The following GABRR2 variants were observed in gnomAD, a reference collection of about 807,000 sequenced individuals.
GABRR2 encodes the protein gamma-aminobutyric acid type A receptor subunit rho2, also known as gamma-aminobutyric acid receptor subunit rho-2.
A neutral mutation model predicts 47.0 loss-of-function variants in GABRR2; 36 were observed. That is an observed-to-expected ratio of 0.77 (90% CI 0.59 to 1.01). The LOEUF (loss-of-function observed/expected upper bound fraction) is 1.01, where lower values mean the gene tolerates loss of function less well. Among genes scored for constraint, GABRR2 ranks in the 50% least tolerant of loss-of-function variants. GABRR2 has a pLI of 0.00. For missense variants in GABRR2, 587 were observed against 594.6 expected, an observed-to-expected ratio of 0.99 and a Z score of 0.13; for synonymous variants, 204 against 227.5, an observed-to-expected ratio of 0.90 and a Z score of 0.93.
intron 2 of GABRR2, among the ~76,000 whole-genome samples, chr6:89,298,847 C>G (rs1385517975): frequency 6.6e-6 from 1 of 152,062 alleles, no homozygotes; most frequent in Non-Finnish European, 1.5e-5. Context: ...GAGGGTGGAG[C>G]CCTCACCAGT....
At chr6:89,296,255 A>G (rs1337163843) in intron 2 of GABRR2, among the ~76,000 whole-genome samples, 2 of 152,268 alleles carry the variant, frequency 1.3e-5, no homozygotes, top group African/African-American at 2.4e-5. Flanking sequence ...TTCAGGTTAT[A>G]AAGATCATTG....
intron 6 of GABRR2, among the ~76,000 whole-genome samples, chr6:89,266,825 T>C (rs752594258): frequency 4.6e-5 from 7 of 152,096 alleles, no homozygotes; most frequent in Non-Finnish European, 1.0e-4. Flanking sequence ...TCTCTCTCTT[T>C]ATTTTTTTGA....
At chr6:89,290,940 G>A (rs1313756581) in intron 2 of GABRR2, among the ~76,000 whole-genome samples, 2 of 152,106 alleles carry the variant, frequency 1.3e-5, no homozygotes, top group African/African-American at 4.8e-5. Context: ...TGCAGCCTCT[G>A]GGGCTTTGCC....
intron 6 of GABRR2, 90 bp downstream of exon 6, chr6:89,267,589 C>T: frequency 8.2e-7 from 1 of 1,217,624 alleles, no homozygotes; most frequent in Non-Finnish European, 1.1e-6. Context: ...AAAACACACA[C>T]AAAACATATT....
chr6:89,302,838 C>A, intron 1 of GABRR2: 1 of 1,376,510 alleles, frequency 7.3e-7, no homozygotes, highest in Middle Eastern at 2.1e-4. Context: ...CATCCCACCC[C>A]CCAGCCTCAA....
chr6:89,279,345 T>C (rs1774219068), intron 2 of GABRR2, among the ~76,000 whole-genome samples: 1 of 152,146 alleles, frequency 6.6e-6, no homozygotes, highest in Admixed American at 6.5e-5. Context: ...GTGAACACCC[T>C]GAAACTGCAT....
intron 2 of GABRR2, among the ~76,000 whole-genome samples, chr6:89,296,468 C>T (rs1774555813): frequency 6.6e-6 from 1 of 152,242 alleles, no homozygotes; most frequent in Non-Finnish European, 1.5e-5. Context: ...AGAGGACCAA[C>T]TGCCATGGGG....
chr6:89,313,927 CAAAT>C (rs1356425366), intron 1 of GABRR2, among the ~76,000 whole-genome samples: 5 of 151,538 alleles, frequency 3.3e-5, no homozygotes, highest in Non-Finnish European at 5.9e-5. Flanking sequence ...AACAAACAAA[CAAAT>C]AAACAAAAGA....
intron 2 of GABRR2, among the ~76,000 whole-genome samples, chr6:89,294,059 A>T (rs565074133): frequency 5.3e-4 from 80 of 152,328 alleles, no homozygotes; most frequent in African/African-American, 1.7e-3. Context: ...TTTAATTTTT[A>T]AAAAATATTT....
intron 6 of GABRR2, among the ~76,000 whole-genome samples, chr6:89,267,268 T>C (rs539671909): frequency 6.6e-6 from 1 of 152,296 alleles, no homozygotes; most frequent in African/African-American, 2.4e-5. Flanking sequence ...TACATTATTT[T>C]AATAATCAAA....
At chr6:89,307,066 C>T (rs1481991603) in intron 1 of GABRR2, among the ~76,000 whole-genome samples, 2 of 152,204 alleles carry the variant, frequency 1.3e-5, no homozygotes, top group East Asian at 3.9e-4. Flanking sequence ...TAAAAGGTAG[C>T]AACATGACCA....
chr6:89,300,639 T>C (rs576610732), intron 1 of GABRR2, among the ~76,000 whole-genome samples: 1 of 146,666 alleles, frequency 6.8e-6, no homozygotes, highest in South Asian at 2.2e-4. Context: ...CCTGGACACA[T>C]ACACACCCCA....
chr6:89,272,183 C>T (rs1436242394), intron 2 of GABRR2, among the ~76,000 whole-genome samples: 1 of 152,214 alleles, frequency 6.6e-6, no homozygotes, highest in African/African-American at 2.4e-5. Flanking sequence ...GCTATACCTA[C>T]AGAGACCCTG....
intron 2 of GABRR2, among the ~76,000 whole-genome samples, chr6:89,272,721 C>T (rs1476920997): frequency 1.3e-5 from 2 of 152,168 alleles, no homozygotes; most frequent in East Asian, 1.9e-4. Flanking sequence ...AGGATCAGGA[C>T]GTTGTGACCC....
intron 1 of GABRR2, among the ~76,000 whole-genome samples, chr6:89,311,200 G>C (rs891347394): frequency 1.3e-5 from 2 of 152,210 alleles, no homozygotes; most frequent in African/African-American, 4.8e-5. Context: ...AGCTCAGCCC[G>C]AGGGCTTAGC....
At chr6:89,273,770 C>T (rs955373549) in intron 2 of GABRR2, among the ~76,000 whole-genome samples, 4 of 152,224 alleles carry the variant, frequency 2.6e-5, no homozygotes, top group Non-Finnish European at 5.9e-5. Context: ...CCTGGGGACC[C>T]TTCATTAGTC....
intron 2 of GABRR2, among the ~76,000 whole-genome samples, chr6:89,292,296 A>G (rs1562378689): frequency 2.0e-5 from 3 of 148,608 alleles, no homozygotes; most frequent in South Asian, 2.1e-4. Flanking sequence ...GAAGTGTAAA[A>G]TGGTGCAGCC....
rs371784032 is a variant in GABRR2, at chr6:89,305,572, G to A, written c.114-5707C>T. Among the ~76,000 whole-genome samples, 13 of 152,204 alleles carry A rather than the reference G, an allele frequency of 8.5e-5. No homozygotes were observed. In the East Asian group the frequency reaches 1.7e-3, roughly 20 times the overall value. ...CCAGGAGGGAGGTCAGGGCTGCAGT[G>A]AGCCATGATCATGACACTGCTCTCC... is the stretch of plus-strand genomic sequence containing the variant. On this transcript the variant is annotated intron_variant, in intron 1 of 8. Transcript: ENST00000402938.
chr6:89,291,409 G>C (rs940933818), intron 2 of GABRR2, among the ~76,000 whole-genome samples: 3 of 152,122 alleles, frequency 2.0e-5, no homozygotes, highest in Admixed American at 6.6e-5. Flanking sequence ...AGCCCTCCCA[G>C]AGCGGCGCTG....
Sources: allele counts gnomAD v4.1 joint callset (sites outside exome capture counted in the v4.1 genomes callset), GRCh38; gene constraint gnomAD v4.1.1; transcripts MANE v1.5; gene names NCBI Gene and HGNC (gene_info 2026-07-23, HGNC 2026-07-21).